The following MAST4 variants were observed in gnomAD, a reference collection of about 807,000 sequenced individuals.
The protein encoded by MAST4 is microtubule-associated serine/threonine-protein kinase 4.
MAST4 carries 89 observed loss-of-function variants against 162.7 expected under a neutral mutation model. The observed-to-expected ratio is 0.55, with a 90% CI of 0.46 to 0.65. MAST4 has a LOEUF of 0.65. Ranked by LOEUF, MAST4 falls within the 30% of genes least tolerant of loss-of-function variation. MAST4 has a pLI of 0.00. For synonymous variants in MAST4, 1,479 were observed against 1,361.1 expected (o/e 1.09, Z -1.91); for missense variants, 3,153 against 3,374.0 (o/e 0.93, Z 1.62).
intron 3 of MAST4, among the ~76,000 whole-genome samples, chr5:66,829,521 G>C (rs2149753184): frequency 6.6e-6 from 1 of 152,054 alleles, no homozygotes; most frequent in South Asian, 2.1e-4. Flanking sequence ...CAGAAAACTT[G>C]GAAAAAACAA....
chr5:66,647,159 C>T (rs1031221363), intron 1 of MAST4, among the ~76,000 whole-genome samples: 1 of 152,138 alleles, frequency 6.6e-6, no homozygotes, highest in East Asian at 1.9e-4. Context: ...TAGCCTGTGT[C>T]CCCATTCTCT....
intron 4 of MAST4, among the ~76,000 whole-genome samples, chr5:66,951,925 C>A (rs1328338992): frequency 2.0e-5 from 3 of 152,088 alleles, no homozygotes; most frequent in African/African-American, 7.2e-5. Flanking sequence ...CTATCTAGGT[C>A]TCCTGCATGG....
chr5:66,851,116 A>G (rs966217893), intron 3 of MAST4, among the ~76,000 whole-genome samples: 4 of 152,226 alleles, frequency 2.6e-5, no homozygotes, highest in Non-Finnish European at 5.9e-5. Flanking sequence ...AACATTTTCA[A>G]ATCAAATGGG....
At chr5:66,597,404 A>C (rs2149377401) in intron 1 of MAST4, among the ~76,000 whole-genome samples, 1 of 151,744 alleles carries the variant, frequency 6.6e-6, no homozygotes, top group South Asian at 2.1e-4. Context: ...GCTTGGGCCG[A>C]GGGGCAGGGA....
intron 4 of MAST4, among the ~76,000 whole-genome samples, chr5:66,986,676 A>G (rs948079462): frequency 3.3e-5 from 5 of 151,076 alleles, no homozygotes; most frequent in East Asian, 3.9e-4. Context: ...GCTGGAGGGC[A>G]GTAACACGAT....
intron 3 of MAST4, among the ~76,000 whole-genome samples, chr5:66,885,570 G>A (rs181447899): frequency 1.7e-3 from 266 of 152,302 alleles, no homozygotes; most frequent in African/African-American, 6.2e-3. Flanking sequence ...TTTGTAAGAA[G>A]TTTGTTTTTC....
At chr5:67,127,459 G>A (rs1474021458) in intron 14 of MAST4, among the ~76,000 whole-genome samples, 1 of 152,156 alleles carries the variant, frequency 6.6e-6, no homozygotes, top group Non-Finnish European at 1.5e-5. Context: ...GCTGAATTTT[G>A]TTGAAGGCCT....
At chr5:66,748,319 T>C (rs777444209) in intron 1 of MAST4, among the ~76,000 whole-genome samples, 6 of 151,888 alleles carry the variant, frequency 4.0e-5, no homozygotes, top group Non-Finnish European at 7.4e-5. Flanking sequence ...GGAAGGATGC[T>C]ATGCAATATA....
At chr5:66,692,414 T>C (rs917693161) in intron 1 of MAST4, among the ~76,000 whole-genome samples, 6 of 95,726 alleles carry the variant, frequency 6.3e-5, no homozygotes, top group African/African-American at 2.6e-4. Flanking sequence ...TTGCTCTCTT[T>C]TTTTTTTTTT....
At chr5:66,907,584 ATGCGTGTG>A (rs1561434183) in intron 4 of MAST4, among the ~76,000 whole-genome samples, 1 of 47,464 alleles carries the variant, frequency 2.1e-5, no homozygotes, top group Non-Finnish European at 4.7e-5. Flanking sequence ...GCATAGGTTG[ATGCGTGTG>A]TGTGTGTGTG....
rs537233909 is a variant in MAST4 at position 66,729,582 on chromosome 5, G to A, written c.364-30127G>A. 1.1e-4 allele frequency among the ~76,000 whole-genome samples: 17 copies of A among 152,238 alleles called. No individual in the cohort carries two copies. In the South Asian group the frequency reaches 3.5e-3, roughly 32 times the overall value. ...TTGATTTATACCTCACATCAATGCT[G>A]CATATTGAGGGCCTCTTATTCTAAG... On this transcript the variant is annotated intron_variant, in intron 1 of 28. Coordinates refer to ENST00000403625, the MANE Select transcript of MAST4 (RefSeq NM_001164664.2).
intron 2 of MAST4, among the ~76,000 whole-genome samples, chr5:66,777,869 C>T (rs1320577219): frequency 1.3e-5 from 2 of 152,162 alleles, no homozygotes; most frequent in African/African-American, 2.4e-5. Flanking sequence ...CACATACCCA[C>T]AAAATGACTC....
intron 3 of MAST4, among the ~76,000 whole-genome samples, chr5:66,866,915 TTTTTG>T (rs1223964251): frequency 6.7e-4 from 72 of 107,136 alleles, no homozygotes; most frequent in Middle Eastern, 4.9e-3. Context: ...ACGGCAGGCT[TTTTTG>T]TTTGTTTGTT....
chr5:66,818,705 C>T (rs780169522), intron 3 of MAST4, among the ~76,000 whole-genome samples: 4 of 152,130 alleles, frequency 2.6e-5, no homozygotes, highest in Non-Finnish European at 4.4e-5. Context: ...AGCGCTTGCC[C>T]TTGGATTGCT....
chr5:67,151,775 T>C (rs1325205121), intron 24 of MAST4, among the ~76,000 whole-genome samples: 1 of 147,544 alleles, frequency 6.8e-6, no homozygotes, highest in African/African-American at 2.5e-5. Context: ...TTCTTTTTTT[T>C]TTTTTTTTTT....
chr5:66,856,099 G>A (rs529685949), intron 3 of MAST4, among the ~76,000 whole-genome samples: 16 of 152,204 alleles, frequency 1.1e-4, no homozygotes, highest in Non-Finnish European at 2.2e-4. Flanking sequence ...GTCTGAGGCT[G>A]CAGTGAGCCA....
intron 4 of MAST4, among the ~76,000 whole-genome samples, chr5:66,908,596 C>T (rs185509904): frequency 6.6e-6 from 1 of 152,176 alleles, no homozygotes; most frequent in Admixed American, 6.5e-5. Context: ...TTCCCTATTT[C>T]ATATTTACTG....
At chr5:67,047,456 A>C (rs1581332833) in intron 4 of MAST4, among the ~76,000 whole-genome samples, 1 of 152,110 alleles carries the variant, frequency 6.6e-6, no homozygotes. Flanking sequence ...TTCTGGTCTT[A>C]TCCTCTCTCA....
intron 1 of MAST4, among the ~76,000 whole-genome samples, chr5:66,698,637 A>G (rs545212117): frequency 6.6e-6 from 1 of 152,156 alleles, no homozygotes; most frequent in South Asian, 2.1e-4. Context: ...TCCAGCACTG[A>G]TCTCTCACAG....
Sources: allele counts gnomAD v4.1 joint callset (sites outside exome capture counted in the v4.1 genomes callset), GRCh38; gene constraint gnomAD v4.1.1; transcripts MANE v1.5; gene names NCBI Gene and HGNC (gene_info 2026-07-23, HGNC 2026-07-21).